Variants in NRXN1 observed in about 807,000 individuals in gnomAD.
The protein encoded by NRXN1 is neurexin 1.
NRXN1 carries 39 observed loss-of-function variants against 150.9 expected under a neutral mutation model. That is an observed-to-expected ratio of 0.26 (90% CI 0.20 to 0.34). The LOEUF (loss-of-function observed/expected upper bound fraction) is 0.34. Ranked by LOEUF, NRXN1 falls within the 10% of genes least tolerant of loss-of-function variation. The pLI is 1.00. For synonymous variants in NRXN1, 924 were observed against 757.0 expected (o/e 1.22, Z -3.62); for missense variants, 1,815 against 1,949.9 (o/e 0.93, Z 1.30).
chr2:49,937,529 A>C (rs1671258698), intron 22 of NRXN1, among the ~76,000 whole-genome samples: 1 of 152,176 alleles, frequency 6.6e-6, no homozygotes, highest in Admixed American at 6.5e-5. Context: ...TGGACAATTA[A>C]ATTTATATGG....
At chr2:50,467,694 TAAAAC>T (rs912321057) in intron 16 of NRXN1, among the ~76,000 whole-genome samples, 27 of 150,938 alleles carry the variant, frequency 1.8e-4, no homozygotes, top group Admixed American at 9.9e-4. Flanking sequence ...TAACAATAAT[TAAAAC>T]AAAAATAGTA....
At chr2:50,415,342 T>G (rs948005423) in intron 17 of NRXN1, among the ~76,000 whole-genome samples, 1 of 152,068 alleles carries the variant, frequency 6.6e-6, no homozygotes, top group South Asian at 2.1e-4. Context: ...GAGGTTGCAG[T>G]GTAAGGTGTA....
At chr2:50,839,496 G>T (rs572334747) in intron 5 of NRXN1, among the ~76,000 whole-genome samples, 95 of 152,174 alleles carry the variant, frequency 6.2e-4, no homozygotes, top group Non-Finnish European at 1.2e-3. Context: ...TCTCCTTTCT[G>T]ATGTTACTTG....
chr2:50,350,710 T>C (rs2078347306), intron 17 of NRXN1, among the ~76,000 whole-genome samples: 2 of 152,172 alleles, frequency 1.3e-5, no homozygotes, highest in African/African-American at 4.8e-5. Flanking sequence ...GAGCATTCAA[T>C]TAGGAAGATG....
At position 50,955,681 on chromosome 2, in the gene NRXN1, T is replaced by A. The variant is rs190166412; in HGVS notation, c.773-29726A>T. On this transcript the variant is annotated intron_variant, in intron 2 of 22. Coordinates refer to ENST00000401669, the MANE Select transcript of NRXN1 (RefSeq NM_001330078.2). ...ACAGTTAGATAACAGCAAGTTGAGA[T>A]TGAAAGCAATTCTCTTGGATGGATA... Among the ~76,000 whole-genome samples, 6 of 152,338 alleles carry A rather than the reference T, an allele frequency of 3.9e-5. No homozygotes were observed. In the East Asian group the frequency reaches 9.6e-4, roughly 24 times the overall value.
chr2:50,049,198 T>A (rs764967807), intron 21 of NRXN1, among the ~76,000 whole-genome samples: 4 of 152,164 alleles, frequency 2.6e-5, no homozygotes, highest in Non-Finnish European at 5.9e-5. Flanking sequence ...TATTAATAAT[T>A]ACACTGAACA....
At chr2:50,460,530 C>A (rs925609610) in intron 17 of NRXN1, among the ~76,000 whole-genome samples, 2 of 151,980 alleles carry the variant, frequency 1.3e-5, no homozygotes, top group African/African-American at 2.4e-5. Context: ...AGCTGCCCAA[C>A]AATAATATAA....
At chr2:50,730,990 C>T (rs530364388) in intron 5 of NRXN1, among the ~76,000 whole-genome samples, 1 of 152,188 alleles carries the variant, frequency 6.6e-6, no homozygotes, top group African/African-American at 2.4e-5. Context: ...ATCTTTCTTA[C>T]TGTGATTGCA....
intron 8 of NRXN1, among the ~76,000 whole-genome samples, chr2:50,570,428 T>C (rs1670498046): frequency 6.6e-6 from 1 of 152,272 alleles, no homozygotes; most frequent in East Asian, 1.9e-4. Flanking sequence ...TAATTTCTTA[T>C]AAGTATCGTA....
At chr2:50,871,234 C>T (rs1167323729) in intron 5 of NRXN1, among the ~76,000 whole-genome samples, 2 of 151,880 alleles carry the variant, frequency 1.3e-5, no homozygotes, top group East Asian at 2.0e-4. Flanking sequence ...AGAATGCTCT[C>T]CTATTCTCTA....
At chr2:50,114,996 C>A (rs552329190) in intron 18 of NRXN1, among the ~76,000 whole-genome samples, 4 of 151,688 alleles carry the variant, frequency 2.6e-5, no homozygotes. Flanking sequence ...TAAACCCTAA[C>A]GTAAACTATG....
intron 21 of NRXN1, among the ~76,000 whole-genome samples, chr2:49,989,838 T>C (rs1041421557): frequency 2.0e-5 from 3 of 152,196 alleles, no homozygotes; most frequent in East Asian, 1.9e-4. Context: ...GTGGGTTATA[T>C]AGTGACACCA....
intron 8 of NRXN1, among the ~76,000 whole-genome samples, chr2:50,561,220 TG>T (rs1396680375): frequency 6.6e-6 from 1 of 152,200 alleles, no homozygotes; most frequent in Non-Finnish European, 1.5e-5. Context: ...AAGACTGAGT[TG>T]TCCTTGGGTT....
chr2:50,682,005 A>T (rs1690482109), intron 5 of NRXN1, among the ~76,000 whole-genome samples: 1 of 152,182 alleles, frequency 6.6e-6, no homozygotes, highest in African/African-American at 2.4e-5. Flanking sequence ...CTGAGGCTCA[A>T]ATGAGATGGT....
chr2:50,432,769 G>A (rs4971674), intron 17 of NRXN1, among the ~76,000 whole-genome samples: 2,209 of 152,252 alleles, frequency 0.015, 126 homozygotes, highest in East Asian at 0.14. Context: ...TCAAAGGCAT[G>A]TACTCATCTT....
At chr2:50,707,576 A>G (rs1335225173) in intron 5 of NRXN1, among the ~76,000 whole-genome samples, 4 of 152,126 alleles carry the variant, frequency 2.6e-5, no homozygotes, top group African/African-American at 9.7e-5. Flanking sequence ...CTTGAGCTCA[A>G]ATTTAATCCT....
In NRXN1 at chr2:50,411,356, G is replaced by A. The variant is rs2083153597; in HGVS notation, c.3364+54086C>T. Among the ~76,000 whole-genome samples the A allele has an allele frequency of 2.0e-5, 3 of 152,126 alleles. No individual in the cohort carries two copies. The South Asian group carries it at 6.2e-4, about 31-fold the overall frequency. The stretch of plus-strand genomic sequence containing the variant: ...AATGTTGCCCAGGCTGGAGTGCAGT[G>A]GCGTGATCTCGGCTCGCTACAACCT... On this transcript the variant is annotated intron_variant, in intron 17 of 22. Transcript: ENST00000401669.
At chr2:50,995,965 TTTAC>T (rs768363594) in intron 2 of NRXN1, among the ~76,000 whole-genome samples, 7 of 152,006 alleles carry the variant, frequency 4.6e-5, no homozygotes, top group Non-Finnish European at 8.8e-5. Context: ...TGGCTAAGTA[TTTAC>T]ATAGGTTATC....
At chr2:50,465,360 G>C (rs2088709296) in intron 17 of NRXN1, 82 bp downstream of exon 17, 1 of 1,360,322 alleles carries the variant, frequency 7.4e-7, no homozygotes, top group Admixed American at 2.3e-5. Context: ...TTAATATAAG[G>C]ACTTTCAGTG....
Sources: allele counts gnomAD v4.1 joint callset (sites outside exome capture counted in the v4.1 genomes callset), GRCh38; gene constraint gnomAD v4.1.1; transcripts MANE v1.5; gene names NCBI Gene and HGNC (gene_info 2026-07-23, HGNC 2026-07-21).